The following MGAT5 variants were observed in gnomAD, a reference collection of about 807,000 sequenced individuals.
MGAT5 encodes alpha-1,6-mannosylglycoprotein 6-beta-N-acetylglucosaminyltransferase.
MGAT5 carries 30 observed loss-of-function variants against 94.3 expected under a neutral mutation model. The observed-to-expected ratio is 0.32, with a 90% confidence interval of 0.24 to 0.43. MGAT5 has a LOEUF of 0.43. Among genes scored for constraint, MGAT5 ranks in the 20% least tolerant of loss-of-function variants. The pLI is 1.00. For missense variants in MGAT5, 691 were observed against 905.5 expected, an observed-to-expected ratio of 0.76 and a Z score of 3.04; for synonymous variants, 310 against 322.9, an observed-to-expected ratio of 0.96 and a Z score of 0.43.
intron 2 of MGAT5, among the ~76,000 whole-genome samples, chr2:134,278,101 A>C (rs920596747): frequency 6.6e-6 from 1 of 152,280 alleles, no homozygotes; most frequent in Middle Eastern, 3.4e-3. Context: ...CAGGTATTGG[A>C]TACTGTCAGA....
intron 1 of MGAT5, among the ~76,000 whole-genome samples, chr2:134,226,592 C>T (rs192894291): frequency 1.6e-4 from 25 of 152,238 alleles, no homozygotes; most frequent in African/African-American, 5.5e-4. Flanking sequence ...CTGAACCACA[C>T]ATGTAAAATG....
At chr2:134,140,027 G>C (rs1686588883) in intron 1 of MGAT5, among the ~76,000 whole-genome samples, 2 of 152,208 alleles carry the variant, frequency 1.3e-5, no homozygotes, top group Admixed American at 6.5e-5. Context: ...AAACTTGCTG[G>C]TGATGAAGAA....
chr2:134,233,491 T>A (rs562307333), intron 1 of MGAT5, among the ~76,000 whole-genome samples: 14 of 152,362 alleles, frequency 9.2e-5, no homozygotes, highest in Admixed American at 2.0e-4. Context: ...ATTTTTTTTA[T>A]GTGTTTCACA....
chr2:134,431,815 A>AC (rs1321438325), intron 14 of MGAT5, among the ~76,000 whole-genome samples: 2 of 152,222 alleles, frequency 1.3e-5, no homozygotes, highest in African/African-American at 4.8e-5. Flanking sequence ...AATCGAGGGC[A>AC]CGCCGGGCTT....
Position 134,198,946 on chromosome 2 carries a change from T to C in MGAT5, c.-142-55316T>C, listed in dbSNP as rs116383048. Among the ~76,000 whole-genome samples, 623 of 152,362 alleles carry C rather than the reference T, an allele frequency of 4.1e-3. 4 individuals carry two copies. Among genetic ancestry groups the C allele is most frequent in the African/African-American group, 0.014 (589 of 41,576 alleles). ...GTTTATTTTTTGAATGAATGGTATT[T>C]GTGTGTTGTTACATAGCTCCCTTGA... On this transcript the variant is annotated intron_variant, in intron 1 of 16. Coordinates refer to the MGAT5 transcript ENST00000409645.
chr2:134,302,461 G>C (rs1686074157), intron 2 of MGAT5, among the ~76,000 whole-genome samples: 1 of 152,046 alleles, frequency 6.6e-6, no homozygotes, highest in Non-Finnish European at 1.5e-5. Context: ...AAACACTATA[G>C]TGTTTTATAT....
intron 11 of MGAT5, among the ~76,000 whole-genome samples, 188 bp from the exon 12 acceptor site, chr2:134,412,681 G>A (rs896524164): frequency 2.0e-5 from 3 of 152,058 alleles, no homozygotes; most frequent in Non-Finnish European, 4.4e-5. Flanking sequence ...TTAAAAGTTC[G>A]TAGTTTTTCA....
At chr2:134,381,374 A>AGGT (rs60788131) in intron 10 of MGAT5, among the ~76,000 whole-genome samples, 1 of 60,674 alleles carries the variant, frequency 1.6e-5, no homozygotes, top group Non-Finnish European at 3.3e-5. Flanking sequence ...TAGATAAGAT[A>AGGT]AGATAGATTA....
chr2:134,378,908 G>A (rs768538206), intron 10 of MGAT5, among the ~76,000 whole-genome samples: 15 of 152,172 alleles, frequency 9.9e-5, no homozygotes, highest in East Asian at 1.9e-4. Context: ...GAGCCATCGC[G>A]CCTGGCCTGG....
At chr2:134,325,113 A>G (rs1018302960) in intron 4 of MGAT5, among the ~76,000 whole-genome samples, 1 of 151,988 alleles carries the variant, frequency 6.6e-6, no homozygotes, top group African/African-American at 2.4e-5. Context: ...GTTCTTAGCA[A>G]CACTTCCTGT....
chr2:134,129,482 A>G (rs1385023402), intron 1 of MGAT5, among the ~76,000 whole-genome samples: 2 of 152,268 alleles, frequency 1.3e-5, no homozygotes, highest in Admixed American at 1.3e-4. Context: ...TCTGCCTACC[A>G]CAGTCCTCAA....
chr2:134,435,351 T>C (rs1685113846), intron 14 of MGAT5, among the ~76,000 whole-genome samples: 1 of 152,210 alleles, frequency 6.6e-6, no homozygotes, highest in African/African-American at 2.4e-5. Context: ...CTGCCTAGAA[T>C]GTTCTTCCCA....
At chr2:134,363,011 C>A (rs1558825664) in intron 10 of MGAT5, among the ~76,000 whole-genome samples, 2 of 152,242 alleles carry the variant, frequency 1.3e-5, no homozygotes, top group East Asian at 3.8e-4. Context: ...AGTTGATTTC[C>A]TGAGTACATT....
At chr2:134,197,290 A>G (rs1224108159) in intron 1 of MGAT5, among the ~76,000 whole-genome samples, 1 of 152,218 alleles carries the variant, frequency 6.6e-6, no homozygotes, top group African/African-American at 2.4e-5. Context: ...TTTCTAGCTC[A>G]GGAAGGGCCT....
In MGAT5 at chr2:134,394,375, T is replaced by C. The variant is rs142085473; in HGVS notation, c.1381-8613T>C. Among the ~76,000 whole-genome samples, 527 of 152,346 alleles carry C rather than the reference T, an allele frequency of 3.5e-3. 7 individuals are homozygous for C. Among genetic ancestry groups the C allele is most frequent in the African/African-American group, 0.011 (472 of 41,588 alleles). On this transcript the variant is annotated intron_variant, in intron 10 of 15. Coordinates refer to ENST00000281923, the MANE Select transcript of MGAT5 (RefSeq NM_002410.5). Reference sequence around the variant, plus strand: ...AATTAATTTTAAGAATGTTTCTTGATCAACTGAGTAAAGATCAATTGACAT... The same window carrying C: ...AATTAATTTTAAGAATGTTTCTTGACCAACTGAGTAAAGATCAATTGACAT...
chr2:134,231,694 A>G (rs145901665), intron 1 of MGAT5, among the ~76,000 whole-genome samples: 3 of 152,314 alleles, frequency 2.0e-5, no homozygotes, highest in East Asian at 3.9e-4. Context: ...GACCCTCTAG[A>G]ACCTGTGGGG....
chr2:134,344,107 T>C (rs532774464), intron 7 of MGAT5, among the ~76,000 whole-genome samples: 1 of 152,270 alleles, frequency 6.6e-6, no homozygotes, highest in African/African-American at 2.4e-5. Flanking sequence ...TATCATGGGG[T>C]GTTGCAGATA....
At chr2:134,134,080 A>T (rs890092305) in intron 1 of MGAT5, among the ~76,000 whole-genome samples, 13 of 152,260 alleles carry the variant, frequency 8.5e-5, no homozygotes, top group African/African-American at 2.9e-4. Flanking sequence ...GTGCTATGTG[A>T]CTTTTAGCAA....
intron 4 of MGAT5, 120 bp downstream of exon 4, chr2:134,318,859 C>A: frequency 1.6e-6 from 1 of 629,776 alleles, no homozygotes; most frequent in Non-Finnish European, 2.8e-6. Flanking sequence ...ACCTATGGTT[C>A]CGTCCTTCAT....
Sources: allele counts gnomAD v4.1 joint callset (sites outside exome capture counted in the v4.1 genomes callset), GRCh38; gene constraint gnomAD v4.1.1; transcripts MANE v1.5; gene names NCBI Gene and HGNC (gene_info 2026-07-23, HGNC 2026-07-21).